The following CGN variants were observed in gnomAD, a reference collection of about 807,000 sequenced individuals.
CGN encodes the protein cingulin.
A neutral mutation model predicts 157.1 loss-of-function variants in CGN; 121 were observed. The observed-to-expected ratio is 0.77, with a 90% CI of 0.66 to 0.90. CGN has a LOEUF of 0.90. Ranked by LOEUF, CGN falls within the 40% of genes least tolerant of loss-of-function variation. The probability of loss-of-function intolerance (pLI) is 0.00; values close to 1 mark genes in which losing one functional copy is unlikely to be tolerated. For missense variants in CGN, 1,424 were observed against 1,520.9 expected (o/e 0.94, Z 1.06); for synonymous variants, 535 against 607.5 (o/e 0.88, Z 1.76).
intron 12 of CGN, 113 bp from the exon 13 acceptor site, chr1:151,530,376 T>G: frequency 7.6e-7 from 1 of 1,311,804 alleles, no homozygotes; most frequent in Non-Finnish European, 1.0e-6. Context: ...CCTGTTTTCA[T>G]TGCACATCAT....
intron 4 of CGN, 25 bp downstream of exon 4, chr1:151,520,508 G>A: frequency 6.2e-7 from 1 of 1,613,006 alleles, no homozygotes; most frequent in African/African-American, 1.3e-5. Flanking sequence ...CTGGATGGGA[G>A]CAAGGGTCAA....
chr1:151,522,003 C>T, intron 5 of CGN, among the ~76,000 whole-genome samples: 1 of 152,076 alleles, frequency 6.6e-6, no homozygotes, highest in Non-Finnish European at 1.5e-5. Flanking sequence ...CAGGGCCAGG[C>T]ATGGTGGCTT....
At chr1:151,528,871 T>C (rs944955819) in intron 10 of CGN, among the ~76,000 whole-genome samples, 8 of 152,218 alleles carry the variant, frequency 5.3e-5, no homozygotes, top group Non-Finnish European at 1.2e-4. Context: ...TTACCTATTC[T>C]GGATATTTAA....
intron 10 of CGN, among the ~76,000 whole-genome samples, chr1:151,528,140 CA>C (rs1291960580): frequency 2.0e-5 from 3 of 147,304 alleles, no homozygotes; most frequent in East Asian, 2.1e-4. Flanking sequence ...TGTATTTTTA[CA>C]AAAAAAATAC....
rs1205896828 is a variant in CGN, at chr1:151,532,401, G to A, written c.2572-1G>A. On this transcript the variant is annotated splice_acceptor_variant, in intron 13 of 20. Coordinates refer to ENST00000271636, the MANE Select transcript of CGN (RefSeq NM_020770.3). LOFTEE classifies it high-confidence loss of function. ...TGAAGACCCTTTTCTCTGTGTTTCA[G>A]TTGGAGAAGATCGGGGAGGACTCTA... 1 of 1,554,862 alleles carries A rather than the reference G, an allele frequency of 6.4e-7. No individual in the cohort carries two copies. Among genetic ancestry groups the A allele is most frequent in the Non-Finnish European group, 8.6e-7 (1 of 1,156,284 alleles).
rs771968561 is a variant in CGN, at chr1:151,524,784, G to A, written c.1512G>A (p.Leu504=). Residue 504 remains leucine, a synonymous_variant, in exon 8 of 21, where the codon CTG becomes CTA. Transcript: ENST00000271636. The surrounding 1 kb of genome is among the most constrained non-coding windows in gnomAD (Gnocchi z 4.4). Reference sequence around the variant, plus strand: ...AGTTGACAGCCCTGAAGGGGGCCCTGAAAGAGGAGGTAGCCTCCCGTGACC... The same window carrying A: ...AGTTGACAGCCCTGAAGGGGGCCCTAAAAGAGGAGGTAGCCTCCCGTGACC... ...ERELTALKGA[L]KEEVASRDQE... 1.2e-6 allele frequency: 2 copies of A among 1,612,790 alleles called. No individual in the cohort carries two copies. Among genetic ancestry groups the A allele is most frequent in the Non-Finnish European group, 1.7e-6 (2 of 1,179,904 alleles).
Position 151,524,548 on chromosome 1 carries a change from T to TCTAGTA in CGN, c.1402-125_1402-124insTAGTAC. On this transcript the variant is annotated intron_variant, in intron 7 of 20. Transcript: ENST00000271636. The surrounding 1 kb of genome is among the most constrained non-coding windows in gnomAD (Gnocchi z 4.4). Reference sequence around the variant, plus strand: ...ATAAAGGAAACCTATCATTCTGGGCTCCAGTACTGGTACTAGAGCACCTGG... The same window carrying TCTAGTA: ...ATAAAGGAAACCTATCATTCTGGGCTCTAGTACCAGTACTGGTACTAGAGCACCTGG... 1 of 1,165,984 alleles carries TCTAGTA rather than the reference T, an allele frequency of 8.6e-7. No homozygotes were observed. The highest frequency in any genetic ancestry group is 1.2e-6 in the Non-Finnish European group (1 of 817,762). The allele number at this position is 1,165,984 out of a possible 1,614,324, so 72.2% of individuals were successfully genotyped here.
intron 20 of CGN, 62 bp from the exon 21 acceptor site, chr1:151,537,143 G>C: frequency 6.5e-7 from 1 of 1,542,206 alleles, no homozygotes; most frequent in Non-Finnish European, 8.8e-7. Flanking sequence ...TGTACAAAAA[G>C]GGTGGCTGTC....
chr1:151,527,942 A>ATT (rs1664726184), intron 10 of CGN: 12 of 135,398 alleles, frequency 8.9e-5, no homozygotes, highest in Admixed American at 1.1e-4. Context: ...CACTATATAT[A>ATT]TATATATATT....
In CGN at chr1:151,537,359, A is replaced by C. The variant is rs758404348; in HGVS notation, c.*13A>C. ...CAGCTCCTGTTAGCTCGTGGTCCTC[A>C]AGGACTCAGAAACCAGGCTCGAGGC... On this transcript the variant is annotated 3_prime_UTR_variant, in exon 21 of 21. Transcript: ENST00000271636. 4 of 1,609,916 alleles carry C rather than the reference A, an allele frequency of 2.5e-6. No individual in the cohort carries two copies. The Admixed American group carries it at 5.0e-5, about 20-fold the overall frequency.
chr1:151,522,084 C>T (rs1266400085), intron 5 of CGN, among the ~76,000 whole-genome samples: 1 of 152,142 alleles, frequency 6.6e-6, no homozygotes, highest in Non-Finnish European at 1.5e-5. Context: ...TTGAGACCAG[C>T]CTGGGCAACA....
In CGN at chr1:151,524,196, A is replaced by G. The variant is rs1249169103; in HGVS notation, c.1269-30A>G. The G allele has an allele frequency of 1.3e-6, 2 of 1,575,112 alleles. No individual in the cohort carries two copies. Among genetic ancestry groups the G allele is most frequent in the South Asian group, 1.1e-5 (1 of 88,658 alleles). On this transcript the variant is annotated intron_variant, in intron 6 of 20. Transcript: ENST00000271636. This position sits in a 1 kb window ranked among gnomAD's most constrained non-coding sequence, Gnocchi z 4.4. ...ATGCGTTTAGAGAACTGCCTGACACATAGTGTGCAATAATGTTATCTATTA... is the reference window on the plus strand; with the variant it reads ...ATGCGTTTAGAGAACTGCCTGACACGTAGTGTGCAATAATGTTATCTATTA...
In CGN at chr1:151,518,989, T is replaced by C; in HGVS notation, c.470T>C (p.Leu157Pro). 1 of 1,614,218 alleles carries C rather than the reference T, an allele frequency of 6.2e-7. No homozygotes were observed. The highest frequency in any genetic ancestry group is 8.5e-7 in the Non-Finnish European group (1 of 1,180,046). Reference sequence around the variant, plus strand: ...CCTAGTAACAGAAGCAACAGCATGCTGGAGCTAGCCCCGAAAGTGGCTTCC... The same window carrying C: ...CCTAGTAACAGAAGCAACAGCATGCCGGAGCTAGCCCCGAAAGTGGCTTCC... The part of the protein sequence containing the change: ...VDPSNRSNSM[L>P]ELAPKVASPG... The change falls in exon 2 of 21, where the codon CTG (leucine) becomes CCG (proline). Residue 157 changes from leucine (L) to proline (P), a missense_variant. Coordinates refer to ENST00000271636, the MANE Select transcript of CGN (RefSeq NM_020770.3).
At position 151,530,634 on chromosome 1, in the gene CGN, A is replaced by G. The variant is rs1664813340; in HGVS notation, c.2459A>G (p.Asn820Ser). Residue 820 changes from asparagine (N) to serine (S), a missense_variant, in exon 13 of 21, where the codon AAC (asparagine) becomes AGC (serine). This residue lies in a region of CGN where 1,187 missense variants were observed against 1,217.6 expected (regional missense o/e 0.97). Coordinates refer to ENST00000271636, the MANE Select transcript of CGN (RefSeq NM_020770.3). ...ARLGQEQQTL[N>S]RALEEEGKQR... Reference sequence around the variant, plus strand: ...CTGGGGCAGGAGCAGCAGACACTGAACCGGGCCCTGGAGGAGGAAGGGAAG... The same window carrying G: ...CTGGGGCAGGAGCAGCAGACACTGAGCCGGGCCCTGGAGGAGGAAGGGAAG... 3.7e-6 allele frequency: 6 copies of G among 1,603,602 alleles called. No individual in the cohort carries two copies. The highest frequency in any genetic ancestry group is 1.3e-5 in the African/African-American group (1 of 74,698).
intron 10 of CGN, chr1:151,527,859 A>G: frequency 3.8e-6 from 1 of 262,378 alleles, no homozygotes; most frequent in South Asian, 3.8e-5. Context: ...TGGCAGCTGC[A>G]GGGATTGTGC....
At chr1:151,532,331 A>T in intron 13 of CGN, 71 bp from the exon 14 acceptor site, 1 of 1,180,492 alleles carries the variant, frequency 8.5e-7, no homozygotes, top group South Asian at 2.3e-5. Flanking sequence ...CTTAGGGGAG[A>T]GTCTTGGGAG....
chr1:151,527,808 T>TACAC (rs141985486), intron 10 of CGN: 95,370 of 155,698 alleles, frequency 0.61, 30,732 homozygotes, highest in Non-Finnish European at 0.75. Context: ...TTTGGTTTTA[T>TACAC]ACACACACAC....
In CGN at chr1:151,524,561, C is replaced by G. The variant is rs899011113; in HGVS notation, c.1402-113C>G. On this transcript the variant is annotated intron_variant, in intron 7 of 20. Coordinates refer to ENST00000271636, the MANE Select transcript of CGN (RefSeq NM_020770.3). The surrounding 1 kb of genome is among the most constrained non-coding windows in gnomAD (Gnocchi z 4.4). ...ATCATTCTGGGCTCCAGTACTGGTA[C>G]TAGAGCACCTGGTACTGTGCCTAAT... The G allele has an allele frequency of 4.3e-6, 5 of 1,160,624 alleles. No individual in the cohort carries two copies. In the African/African-American group the frequency reaches 7.8e-5, roughly 18 times the overall value. 71.9% of individuals were successfully genotyped at this position (1,160,624 alleles called of 1,614,324 possible).
intron 5 of CGN, among the ~76,000 whole-genome samples, chr1:151,522,870 C>T (rs1447603081): frequency 2.0e-5 from 3 of 151,590 alleles, no homozygotes; most frequent in Non-Finnish European, 2.9e-5. Context: ...GCTGAGATCT[C>T]GCCATTGCAC....
Sources: allele counts gnomAD v4.1 joint callset (sites outside exome capture counted in the v4.1 genomes callset), GRCh38; gene constraint gnomAD v4.1.1; regional missense constraint gnomAD v4.1.1; non-coding constraint Gnocchi (gnomAD v3.1); transcripts MANE v1.5; gene names NCBI Gene and HGNC (gene_info 2026-07-23, HGNC 2026-07-21).